CD9: variants seen among roughly 807,000 people sequenced by gnomAD.
The protein encoded by CD9 is CD9 molecule.
A neutral mutation model predicts 31.4 loss-of-function variants in CD9; 10 were observed. The ratio of observed to expected loss-of-function variants is 0.32; its 90% CI spans 0.20 to 0.54. The LOEUF is 0.54. Ranked by LOEUF, CD9 falls within the 20% of genes least tolerant of loss-of-function variation. The pLI, the probability that CD9 is intolerant of heterozygous loss-of-function variation, is 0.94. For missense variants in CD9, 259 were observed against 300.1 expected (o/e 0.86, Z 1.01); for synonymous variants, 113 against 114.1 (o/e 0.99, Z 0.06).
At chr12:6,224,569 G>A (rs923490198) in intron 1 of CD9, among the ~76,000 whole-genome samples, 2 of 152,128 alleles carry the variant, frequency 1.3e-5, no homozygotes, top group Non-Finnish European at 2.9e-5. Flanking sequence ...CCTGATGAGC[G>A]GGCTCTGACA....
Position 6,235,457 on chromosome 12 carries a change from C to G in CD9, c.448-19C>G. The stretch of plus-strand genomic sequence containing the variant: ...TACAATTTGTTTCTCTCATCCCCAT[C>G]CCTGCCTTCTCGCTGTAGTTGAACT... On this transcript the variant is annotated intron_variant, in intron 5 of 7. Coordinates refer to ENST00000009180, the MANE Select transcript of CD9 (RefSeq NM_001769.4). 1 of 1,613,784 alleles carries G rather than the reference C, an allele frequency of 6.2e-7. No homozygotes were observed. The highest frequency in any genetic ancestry group is 8.5e-7 in the Non-Finnish European group (1 of 1,179,630).
At chr12:6,211,553 G>T (rs971204598) in intron 1 of CD9, among the ~76,000 whole-genome samples, 16 of 152,362 alleles carry the variant, frequency 1.1e-4, no homozygotes, top group Non-Finnish European at 7.3e-5. Context: ...ACGCACGCAC[G>T]TGGCGGCCAA....
chr12:6,232,243 A>C lies in CD9; in HGVS notation c.176-389A>C. On this transcript the variant is annotated intron_variant, in intron 2 of 7. Transcript: ENST00000009180. This position sits in a 1 kb window ranked among gnomAD's most constrained non-coding sequence, Gnocchi z 4.8. ...GTCCCAGAAGTTAGCCAGAGTGTGG[A>C]AGGTATATGCTAACTAGCTTGAGTG... 2 of 264,100 alleles carry C rather than the reference A, an allele frequency of 7.6e-6. No homozygotes were observed. Among genetic ancestry groups the C allele is most frequent in the South Asian group, 3.8e-5 (1 of 26,178 alleles). The allele number at this position is 264,100 out of a possible 1,614,324, so 16.4% of individuals were successfully genotyped here. A position where few individuals can be genotyped will look rare whatever the true frequency, so the allele number is the denominator to read the frequency against.
intron 1 of CD9, among the ~76,000 whole-genome samples, chr12:6,210,453 G>GT (rs1237443657): frequency 1.3e-5 from 2 of 152,016 alleles, no homozygotes; most frequent in Non-Finnish European, 2.9e-5. Flanking sequence ...AGCACCGGCT[G>GT]TTTTTTTTAG....
chr12:6,228,597 C>A (rs1203049502), intron 2 of CD9, among the ~76,000 whole-genome samples: 1 of 149,962 alleles, frequency 6.7e-6, no homozygotes, highest in Non-Finnish European at 1.5e-5. Context: ...GCACAGCACT[C>A]TGAGCACTGC....
chr12:6,234,889 G>A (rs1174256822), intron 4 of CD9, among the ~76,000 whole-genome samples: 1 of 152,212 alleles, frequency 6.6e-6, no homozygotes, highest in African/African-American at 2.4e-5. Flanking sequence ...AAATAGTCAG[G>A]TCAGGAGTAG....
chr12:6,222,262 G>A lies in CD9; in HGVS notation c.67-3164G>A, dbSNP rs570453243. Reference sequence around the variant, plus strand: ...TGATGGTTCACATAGCATCCCCCCCGGCCGGTGAACTCAGTCATTCTGTCA... The same window carrying A: ...TGATGGTTCACATAGCATCCCCCCCAGCCGGTGAACTCAGTCATTCTGTCA... On this transcript the variant is annotated intron_variant, in intron 1 of 7. Transcript: ENST00000009180. Among the ~76,000 whole-genome samples, 538 of 152,218 alleles carry A rather than the reference G, an allele frequency of 3.5e-3. 2 individuals carry two copies. Among genetic ancestry groups the A allele is most frequent in the African/African-American group, 0.012 (509 of 41,522 alleles).
intron 1 of CD9, 173 bp from the exon 2 acceptor site, chr12:6,225,253 T>A: frequency 1.7e-6 from 1 of 589,814 alleles, no homozygotes; most frequent in Non-Finnish European, 3.0e-6. Context: ...GTATTTTTAG[T>A]ACCTGCATGA....
chr12:6,220,689 G>T (rs1946284161), intron 1 of CD9, among the ~76,000 whole-genome samples: 1 of 151,070 alleles, frequency 6.6e-6, no homozygotes, highest in Non-Finnish European at 1.5e-5. Flanking sequence ...AGCTTTGAAA[G>T]AGAGAGACCC....
intron 1 of CD9, among the ~76,000 whole-genome samples, chr12:6,209,205 C>A (rs541755467): frequency 5.9e-5 from 9 of 152,258 alleles, no homozygotes; most frequent in African/African-American, 2.2e-4. Context: ...GGTGATCCAC[C>A]CACCTCTGCC....
chr12:6,203,643 C>T (rs796810152), intron 1 of CD9, among the ~76,000 whole-genome samples: 1 of 152,192 alleles, frequency 6.6e-6, no homozygotes, highest in African/African-American at 2.4e-5. Context: ...AACCGGCCCT[C>T]CTAGCTCTAT....
chr12:6,233,754 TG>T (rs1441164727), intron 4 of CD9, among the ~76,000 whole-genome samples: 1 of 152,082 alleles, frequency 6.6e-6, no homozygotes, highest in Non-Finnish European at 1.5e-5. Flanking sequence ...TGCGTGTGTC[TG>T]TCTGTCCATC....
At chr12:6,231,522 G>A (rs1052399626) in intron 2 of CD9, among the ~76,000 whole-genome samples, 1 of 152,236 alleles carries the variant, frequency 6.6e-6, no homozygotes, top group African/African-American at 2.4e-5. Flanking sequence ...CTGGGGTGCT[G>A]ATTAAGGGAA....
chr12:6,212,828 G>A (rs1305629864), intron 1 of CD9, among the ~76,000 whole-genome samples: 4 of 152,178 alleles, frequency 2.6e-5, no homozygotes, highest in African/African-American at 9.7e-5. Flanking sequence ...GTCATGGAAT[G>A]TTGGGTTTAA....
At chr12:6,209,250 G>C (rs991695251) in intron 1 of CD9, among the ~76,000 whole-genome samples, 42 of 152,304 alleles carry the variant, frequency 2.8e-4, no homozygotes, top group African/African-American at 9.9e-4. Flanking sequence ...GTGAGCCACC[G>C]CACCGGGCTC....
At chr12:6,212,246 G>A (rs1034312232) in intron 1 of CD9, among the ~76,000 whole-genome samples, 16 of 152,158 alleles carry the variant, frequency 1.1e-4, no homozygotes, top group African/African-American at 3.6e-4. Flanking sequence ...CGGGCAAGTC[G>A]CTTTACCTCT....
chr12:6,227,443 C>G (rs945373250), intron 2 of CD9, among the ~76,000 whole-genome samples: 1 of 152,212 alleles, frequency 6.6e-6, no homozygotes, highest in Non-Finnish European at 1.5e-5. Flanking sequence ...GGTGATCCTC[C>G]CGTCTTGGCT....
At position 6,232,593 on chromosome 12, in the gene CD9, A is replaced by G. The variant is rs1946460573; in HGVS notation, c.176-39A>G. On this transcript the variant is annotated intron_variant, in intron 2 of 7. Coordinates refer to ENST00000009180, the MANE Select transcript of CD9 (RefSeq NM_001769.4). The surrounding 1 kb of genome is among the most constrained non-coding windows in gnomAD (Gnocchi z 4.8). ...CGGAGATGCCTGGGCCTCTGAACTG[A>G]TGTCTCCACGCGTGTGTGCTTCCTC... is the stretch of plus-strand genomic sequence containing the variant. 7.6e-7 allele frequency: 1 copy of G among 1,312,596 alleles called. No individual in the cohort carries two copies. The highest frequency in any genetic ancestry group is 1.1e-6 in the Non-Finnish European group (1 of 934,842). The allele number at this position is 1,312,596 out of a possible 1,614,324, so 81.3% of individuals were successfully genotyped here.
At chr12:6,236,517 C>G in intron 7 of CD9, 1 of 561,424 alleles carries the variant, frequency 1.8e-6, no homozygotes, top group Non-Finnish European at 3.2e-6. Context: ...AGTCGACTCT[C>G]TTAGCCGTTA....
Sources: allele counts gnomAD v4.1 joint callset (sites outside exome capture counted in the v4.1 genomes callset), GRCh38; gene constraint gnomAD v4.1.1; non-coding constraint Gnocchi (gnomAD v3.1); transcripts MANE v1.5; gene names NCBI Gene and HGNC (gene_info 2026-07-23, HGNC 2026-07-21).